The following TAFA1 variants were observed in gnomAD, a reference collection of about 807,000 sequenced individuals.
The protein encoded by TAFA1 is TAFA chemokine like family member 1, also known as chemokine-like protein TAFA-1.
TAFA1 carries 4 observed loss-of-function variants against 18.5 expected under a neutral mutation model. That is an observed-to-expected ratio of 0.22 (90% CI 0.11 to 0.49). The LOEUF is 0.49. Among genes scored for constraint, TAFA1 ranks in the 20% least tolerant of loss-of-function variants. TAFA1 has a pLI of 0.98. For missense variants in TAFA1, 147 were observed against 169.0 expected (o/e 0.87, Z 0.72); for synonymous variants, 56 against 55.2 (o/e 1.01, Z -0.06).
At chr3:68,398,005 T>C (rs1324075261) in intron 2 of TAFA1, among the ~76,000 whole-genome samples, 3 of 152,200 alleles carry the variant, frequency 2.0e-5, no homozygotes, top group Non-Finnish European at 4.4e-5. Flanking sequence ...CAAAGTAATT[T>C]ACAAATTCAG....
intron 3 of TAFA1, among the ~76,000 whole-genome samples, chr3:68,465,888 C>G (rs1018453541): frequency 6.6e-6 from 1 of 151,936 alleles, no homozygotes; most frequent in African/African-American, 2.4e-5. Context: ...AGATAATACA[C>G]TAGGCAGGGG....
intron 2 of TAFA1, among the ~76,000 whole-genome samples, chr3:68,313,458 A>C (rs1278347059): frequency 1.3e-5 from 2 of 152,200 alleles, no homozygotes; most frequent in South Asian, 2.1e-4. Context: ...CTTTACTTTC[A>C]TCTGTTTGAA....
intron 2 of TAFA1, among the ~76,000 whole-genome samples, chr3:68,412,079 T>A (rs1349187498): frequency 6.6e-6 from 1 of 152,172 alleles, no homozygotes; most frequent in Non-Finnish European, 1.5e-5. Flanking sequence ...GAGCAACACC[T>A]TCCTGGCCTC....
At chr3:68,063,288 G>A (rs778367343) in intron 2 of TAFA1, among the ~76,000 whole-genome samples, 1 of 152,212 alleles carries the variant, frequency 6.6e-6, no homozygotes, top group Non-Finnish European at 1.5e-5. Flanking sequence ...CCCAGTCACT[G>A]AGCTACATAC....
chr3:68,023,450 C>T (rs936506207), intron 2 of TAFA1, among the ~76,000 whole-genome samples: 1 of 152,094 alleles, frequency 6.6e-6, no homozygotes, highest in Admixed American at 6.6e-5. Flanking sequence ...CAGACCTTGG[C>T]GTATGGCTTA....
At chr3:68,181,460 T>G (rs1013286649) in intron 2 of TAFA1, among the ~76,000 whole-genome samples, 15 of 152,138 alleles carry the variant, frequency 9.9e-5, no homozygotes, top group African/African-American at 3.6e-4. Context: ...AGTTTTGGTC[T>G]AATAACTGAT....
At chr3:68,007,949 A>G (rs1274085038) in intron 2 of TAFA1, among the ~76,000 whole-genome samples, 4 of 152,202 alleles carry the variant, frequency 2.6e-5, no homozygotes, top group African/African-American at 9.7e-5. Context: ...GATGCAGCCC[A>G]GGGTCCTCCC....
intron 2 of TAFA1, among the ~76,000 whole-genome samples, chr3:68,324,348 T>TAC (rs2068743333): frequency 6.6e-6 from 1 of 152,186 alleles, no homozygotes; most frequent in African/African-American, 2.4e-5. Flanking sequence ...TGTTTATATA[T>TAC]ACACATCTTC....
chr3:68,363,307 G>GTTCAGAAGTGTTAAATTAGTCA (rs2069504387), intron 2 of TAFA1, among the ~76,000 whole-genome samples: 1 of 152,130 alleles, frequency 6.6e-6, no homozygotes, highest in Admixed American at 6.6e-5. Context: ...TGACTTTGAG[G>GTTCAGAAGTGTTAAATTAGTCA]CAGAGAAAAT....
At chr3:68,240,961 A>C (rs1433324033) in intron 2 of TAFA1, among the ~76,000 whole-genome samples, 1 of 152,182 alleles carries the variant, frequency 6.6e-6, no homozygotes, top group Non-Finnish European at 1.5e-5. Context: ...TCTGCCAAAG[A>C]AAGCTTTGAG....
chr3:68,208,398 A>G (rs1046093898), intron 2 of TAFA1, among the ~76,000 whole-genome samples: 3 of 151,950 alleles, frequency 2.0e-5, no homozygotes, highest in Admixed American at 1.3e-4. Flanking sequence ...TTTGGCCCCA[A>G]GAAACTTCTG....
chr3:68,033,968 G>C (rs1040087677), intron 2 of TAFA1, among the ~76,000 whole-genome samples: 1 of 152,128 alleles, frequency 6.6e-6, no homozygotes, highest in African/African-American at 2.4e-5. Flanking sequence ...AAATAAATGA[G>C]AGCATAATCA....
chr3:68,516,658 G>A (rs2072924905), intron 3 of TAFA1, among the ~76,000 whole-genome samples: 1 of 152,216 alleles, frequency 6.6e-6, no homozygotes, highest in South Asian at 2.1e-4. Flanking sequence ...GAACAGGAGA[G>A]GAAGGGAATG....
intron 3 of TAFA1, among the ~76,000 whole-genome samples, chr3:68,490,991 G>A (rs2072441525): frequency 6.6e-6 from 1 of 151,796 alleles, no homozygotes; most frequent in African/African-American, 2.4e-5. Context: ...GGTGTACACT[G>A]CCACACCCAG....
chr3:68,260,262 C>T (rs1257821466), intron 2 of TAFA1, among the ~76,000 whole-genome samples: 5 of 152,104 alleles, frequency 3.3e-5, no homozygotes, highest in Non-Finnish European at 5.9e-5. Context: ...GTATGTTGAA[C>T]CAGGCTTGCA....
chr3:68,145,214 C>T (rs2065723730), intron 2 of TAFA1: 2 of 798,522 alleles, frequency 2.5e-6, no homozygotes, highest in Non-Finnish European at 4.6e-6. Flanking sequence ...AAATTCTGAA[C>T]TTGGGGGAAT....
At chr3:68,014,130 C>T (rs1484850686) in intron 2 of TAFA1, among the ~76,000 whole-genome samples, 1 of 152,148 alleles carries the variant, frequency 6.6e-6, no homozygotes, top group African/African-American at 2.4e-5. Flanking sequence ...TTCTTATTTT[C>T]CACTTTTGTG....
chr3:68,353,820 G>A (rs78853549), intron 2 of TAFA1, among the ~76,000 whole-genome samples: 5,085 of 152,056 alleles, frequency 0.033, 154 homozygotes, highest in East Asian at 0.15. Flanking sequence ...TTTATTCCAC[G>A]TATGGGCTAA....
intron 2 of TAFA1, among the ~76,000 whole-genome samples, chr3:68,410,440 A>T (rs1258380275): frequency 6.6e-6 from 1 of 152,068 alleles, no homozygotes; most frequent in Non-Finnish European, 1.5e-5. Context: ...TTTACTTCCT[A>T]GTTGGAAAGA....
Sources: allele counts gnomAD v4.1 joint callset (sites outside exome capture counted in the v4.1 genomes callset), GRCh38; gene constraint gnomAD v4.1.1; transcripts MANE v1.5; gene names NCBI Gene and HGNC (gene_info 2026-07-23, HGNC 2026-07-21).